AGBL1: variants seen among roughly 807,000 people sequenced by gnomAD.
AGBL1 encodes AGBL carboxypeptidase 1.
A neutral mutation model predicts 118.9 loss-of-function variants in AGBL1; 130 were observed. That is an observed-to-expected ratio of 1.09 (90% confidence interval 0.95 to 1.26). The LOEUF (loss-of-function observed/expected upper bound fraction) is 1.26. Ranked by LOEUF, AGBL1 falls within the 50% of genes most tolerant of loss-of-function variation. The probability of loss-of-function intolerance (pLI) is 0.00; values close to 1 mark genes in which losing one functional copy is unlikely to be tolerated. For missense variants in AGBL1, 1,584 were observed against 1,298.1 expected (o/e 1.22, Z -3.38); for synonymous variants, 555 against 478.9 (o/e 1.16, Z -2.08).
intron 24 of AGBL1, among the ~76,000 whole-genome samples, chr15:87,025,587 C>T (rs2081718765): frequency 6.6e-6 from 1 of 151,902 alleles, no homozygotes; most frequent in Admixed American, 6.6e-5. Flanking sequence ...AAGCGATCTA[C>T]AAATTCAGAG....
intron 22 of AGBL1, 145 bp from the exon 23 acceptor site, chr15:86,906,942 T>A (rs2080288658): frequency 6.6e-6 from 1 of 152,270 alleles, no homozygotes; most frequent in African/African-American, 2.4e-5. Context: ...TTGAATGTGT[T>A]CCCTTTTTTG....
At chr15:86,739,315 T>C (rs916821704) in intron 22 of AGBL1, among the ~76,000 whole-genome samples, 1 of 151,958 alleles carries the variant, frequency 6.6e-6, no homozygotes, top group Non-Finnish European at 1.5e-5. Flanking sequence ...TGGTGGCACA[T>C]GCCTGTAATC....
At chr15:86,757,914 A>G (rs1167906522) in intron 22 of AGBL1, among the ~76,000 whole-genome samples, 1 of 152,126 alleles carries the variant, frequency 6.6e-6, no homozygotes, top group South Asian at 2.1e-4. Flanking sequence ...GTGATTCTAG[A>G]TACATTTTAT....
At chr15:86,472,745 C>T (rs965629545) in intron 18 of AGBL1, among the ~76,000 whole-genome samples, 1 of 152,094 alleles carries the variant, frequency 6.6e-6, no homozygotes, top group South Asian at 2.1e-4. Flanking sequence ...ATGATGAAGC[C>T]CCGTCTCTAC....
intron 1 of AGBL1, chr15:86,139,721 T>C (rs1266125633): frequency 6.6e-6 from 1 of 152,594 alleles, no homozygotes; most frequent in African/African-American, 2.4e-5. Flanking sequence ...TGTTCATCAA[T>C]TAATTTACAA....
At chr15:86,562,165 G>GC (rs1351412262) in intron 21 of AGBL1, among the ~76,000 whole-genome samples, 11 of 152,068 alleles carry the variant, frequency 7.2e-5, no homozygotes, top group Admixed American at 2.6e-4. Context: ...CTGCCTGATT[G>GC]CCCTGGTCAG....
intron 24 of AGBL1, among the ~76,000 whole-genome samples, chr15:86,999,016 C>CCATAG (rs2081407393): frequency 6.6e-6 from 1 of 150,930 alleles, no homozygotes; most frequent in Admixed American, 6.6e-5. Flanking sequence ...TTCCCCCACC[C>CCATAG]CATAGCAGGC....
chr15:86,262,249 T>G (rs931070295), intron 9 of AGBL1, among the ~76,000 whole-genome samples: 4 of 152,046 alleles, frequency 2.6e-5, no homozygotes, highest in Non-Finnish European at 5.9e-5. Flanking sequence ...ATTCATTTGT[T>G]TACTTTCTTC....
chr15:86,231,589 A>C (rs967715130), intron 6 of AGBL1, among the ~76,000 whole-genome samples: 1 of 152,222 alleles, frequency 6.6e-6, no homozygotes, highest in Non-Finnish European at 1.5e-5. Context: ...TGACAACCCA[A>C]ATATCTACCA....
chr15:86,842,540 A>T (rs1359084390), intron 22 of AGBL1, among the ~76,000 whole-genome samples: 1 of 152,182 alleles, frequency 6.6e-6, no homozygotes, highest in Non-Finnish European at 1.5e-5. Flanking sequence ...GTATGGGAAC[A>T]TTCCACAGGG....
chr15:86,163,751 T>A (rs958090735), intron 5 of AGBL1, among the ~76,000 whole-genome samples: 1 of 151,848 alleles, frequency 6.6e-6, no homozygotes, highest in African/African-American at 2.4e-5. Context: ...TAAATAAAAT[T>A]AAATAAATAC....
intron 23 of AGBL1, among the ~76,000 whole-genome samples, chr15:86,965,064 C>G (rs554306967): frequency 6.6e-6 from 1 of 152,056 alleles, no homozygotes; most frequent in African/African-American, 2.4e-5. Flanking sequence ...CAAGTCTTTG[C>G]TATTGTGAAC....
chr15:86,185,048 C>T lies in AGBL1; in HGVS notation c.488+26022C>T, dbSNP rs931948376. Among the ~76,000 whole-genome samples, 7 of 152,002 alleles carry T rather than the reference C, an allele frequency of 4.6e-5. No homozygotes were observed. The South Asian group carries it at 1.5e-3, about 32-fold the overall frequency. On this transcript the variant is annotated intron_variant, in intron 5 of 22. Coordinates refer to ENST00000614907, the MANE Select transcript of AGBL1 (RefSeq NM_001386094.1). ...CTAATATCCACCATCACAAAGAACT[C>T]AAACAAATTTACAAGAAAAAAACAA...
intron 22 of AGBL1, among the ~76,000 whole-genome samples, chr15:86,696,660 G>GT (rs2086267449): frequency 6.6e-6 from 1 of 151,236 alleles, no homozygotes. Flanking sequence ...CCTTGTTGTT[G>GT]TTTTTTTAAT....
intron 17 of AGBL1, among the ~76,000 whole-genome samples, chr15:86,373,719 A>G (rs564701357): frequency 1.3e-5 from 2 of 152,344 alleles, no homozygotes; most frequent in African/African-American, 4.8e-5. Context: ...GGCAAAGCAC[A>G]GCATGCTGGA....
At chr15:86,483,823 T>A (rs2082681939) in intron 18 of AGBL1, among the ~76,000 whole-genome samples, 1 of 152,160 alleles carries the variant, frequency 6.6e-6, no homozygotes, top group African/African-American at 2.4e-5. Flanking sequence ...TCCCTACAAT[T>A]ATTGCTTACC....
At chr15:86,255,460 T>G (rs1276066874) in intron 7 of AGBL1, among the ~76,000 whole-genome samples, 1 of 152,184 alleles carries the variant, frequency 6.6e-6, no homozygotes, top group African/African-American at 2.4e-5. Flanking sequence ...GCACTCTTGA[T>G]TGCATTAAGA....
rs8036797 is a variant in AGBL1, at chr15:86,892,408, G to A, written c.3159-14679G>A. 3.3e-5 allele frequency among the ~76,000 whole-genome samples: 5 copies of A among 152,170 alleles called. No individual in the cohort carries two copies. In the East Asian group the frequency reaches 9.7e-4, roughly 29 times the overall value. The stretch of plus-strand genomic sequence containing the variant: ...GGGGCTGAATGAATACCTCATTCCA[G>A]TTCTTCCTCAGGCAGAGTAGACCTT... On this transcript the variant is annotated intron_variant, in intron 22 of 22. Coordinates refer to ENST00000614907, the MANE Select transcript of AGBL1 (RefSeq NM_001386094.1).
chr15:86,944,112 T>C (rs995935320), intron 23 of AGBL1, among the ~76,000 whole-genome samples: 6 of 152,168 alleles, frequency 3.9e-5, no homozygotes, highest in African/African-American at 1.2e-4. Context: ...TGGCTCATCC[T>C]GTAATCCCAG....
Sources: gnomAD v4.1 joint callset for allele counts (sites outside exome capture counted in the v4.1 genomes callset) on GRCh38, gnomAD v4.1.1 for gene constraint, MANE v1.5 for transcripts, NCBI Gene and HGNC (gene_info 2026-07-23, HGNC 2026-07-21) for gene names.